The following ROBO2 variants were observed in gnomAD, a reference collection of about 807,000 sequenced individuals.
The protein encoded by ROBO2 is roundabout guidance receptor 2.
A neutral mutation model predicts 160.8 loss-of-function variants in ROBO2; 53 were observed. That is an observed-to-expected ratio of 0.33 (90% CI 0.26 to 0.41). The LOEUF (loss-of-function observed/expected upper bound fraction) is 0.41, where lower values mean the gene tolerates loss of function less well. Ranked by LOEUF, ROBO2 falls within the 10% of genes least tolerant of loss-of-function variation. The pLI is 1.00. For missense variants in ROBO2, 1,577 were observed against 1,722.4 expected (o/e 0.92, Z 1.49); for synonymous variants, 664 against 611.7 (o/e 1.09, Z -1.26).
chr3:76,983,210 G>T (rs539767916), intron 2 of ROBO2, among the ~76,000 whole-genome samples: 1 of 152,082 alleles, frequency 6.6e-6, no homozygotes, highest in Non-Finnish European at 1.5e-5. Context: ...GCTTGAGCCC[G>T]GAAGGTGGGG....
intron 19 of ROBO2, among the ~76,000 whole-genome samples, chr3:77,597,711 TG>T (rs200870675): frequency 3.6e-4 from 51 of 143,088 alleles, no homozygotes; most frequent in East Asian, 1.6e-3. Flanking sequence ...GTCAAAAGTA[TG>T]GAAAAAAAAA....
At chr3:77,038,909 T>C (rs1490541240), upstream of ROBO2, among the ~76,000 whole-genome samples, 1 of 152,188 alleles carries the variant, frequency 6.6e-6, no homozygotes, top group Non-Finnish European at 1.5e-5. Context: ...AGCCTATGTT[T>C]ACCGAATTTC....
chr3:77,013,610 C>T (rs1457991908), intron 2 of ROBO2, among the ~76,000 whole-genome samples: 3 of 151,966 alleles, frequency 2.0e-5, no homozygotes, highest in African/African-American at 7.3e-5. Context: ...TTGCTTCCTC[C>T]ATTGGTGTAA....
At chr3:76,572,468 G>A (rs1039909580) in intron 2 of ROBO2, among the ~76,000 whole-genome samples, 2 of 152,072 alleles carry the variant, frequency 1.3e-5, no homozygotes, top group South Asian at 2.1e-4. Context: ...GCTAACTGGA[G>A]GAAGCTAAGA....
intron 2 of ROBO2, among the ~76,000 whole-genome samples, chr3:76,603,332 C>CAAAAAAAA (rs61547121): frequency 6.0e-5 from 4 of 66,512 alleles, no homozygotes; most frequent in East Asian, 4.1e-4. Flanking sequence ...ACTCCATCTC[C>CAAAAAAAA]AAAAAAAAAA....
chr3:77,317,559 C>T, intron 2 of ROBO2: 1 of 1,374,282 alleles, frequency 7.3e-7, no homozygotes, highest in South Asian at 1.2e-5. Context: ...TTGGTGAAGA[C>T]ATCCCTAGCA....
intron 2 of ROBO2, among the ~76,000 whole-genome samples, chr3:77,117,295 T>C (rs1654153472): frequency 6.6e-6 from 1 of 152,210 alleles, no homozygotes; most frequent in African/African-American, 2.4e-5. Context: ...ATTAAAATAA[T>C]GGTTTTAAAT....
At chr3:76,099,007 A>G (rs140855333) in intron 2 of ROBO2, among the ~76,000 whole-genome samples, 83 of 152,288 alleles carry the variant, frequency 5.5e-4, no homozygotes, top group African/African-American at 2.0e-3. Context: ...TTCACTCATA[A>G]TCAATATAGC....
chr3:76,606,987 G>T (rs2087713682), intron 2 of ROBO2, among the ~76,000 whole-genome samples: 1 of 152,072 alleles, frequency 6.6e-6, no homozygotes, highest in South Asian at 2.1e-4. Flanking sequence ...ATTTAAGTAT[G>T]ATTACAAGTA....
chr3:76,702,761 T>C (rs927147684), intron 2 of ROBO2, among the ~76,000 whole-genome samples: 1 of 151,674 alleles, frequency 6.6e-6, no homozygotes, highest in Non-Finnish European at 1.5e-5. Flanking sequence ...AAAGAAAAAG[T>C]GAGAAAAGGG....
chr3:77,475,068 T>TGAGGGA (rs2083835904), intron 2 of ROBO2, among the ~76,000 whole-genome samples: 1 of 150,428 alleles, frequency 6.6e-6, no homozygotes, highest in African/African-American at 2.4e-5. Flanking sequence ...GTTTTTCAAC[T>TGAGGGA]GAGAGAGAGA....
intron 6 of ROBO2, among the ~76,000 whole-genome samples, chr3:77,541,499 A>T (rs960048502): frequency 2.6e-5 from 4 of 152,238 alleles, no homozygotes; most frequent in Admixed American, 1.3e-4. Context: ...CATTGTATTT[A>T]AATTCTCAAA....
chr3:77,150,236 G>T (rs1015589843), intron 2 of ROBO2, among the ~76,000 whole-genome samples: 4 of 152,144 alleles, frequency 2.6e-5, no homozygotes, highest in African/African-American at 9.7e-5. Context: ...AGGCCGAGTG[G>T]AGATGACGGA....
At chr3:77,374,760 T>A (rs1246257144) in intron 2 of ROBO2, among the ~76,000 whole-genome samples, 1 of 152,234 alleles carries the variant, frequency 6.6e-6, no homozygotes, top group East Asian at 1.9e-4. Context: ...TACTCTTAGT[T>A]GCTTGTATCC....
intron 2 of ROBO2, among the ~76,000 whole-genome samples, chr3:76,251,131 G>T (rs1705968337): frequency 6.6e-6 from 1 of 151,972 alleles, no homozygotes; most frequent in African/African-American, 2.4e-5. Context: ...TGATTAAGTT[G>T]CTGAGGTATA....
intron 2 of ROBO2, among the ~76,000 whole-genome samples, chr3:77,470,015 G>A (rs1054492369): frequency 3.9e-5 from 6 of 152,172 alleles, no homozygotes; most frequent in African/African-American, 1.4e-4. Flanking sequence ...AAAGGCACAG[G>A]CAAAAGTAAG....
At chr3:77,508,406 G>A (rs1307161783) in intron 5 of ROBO2, among the ~76,000 whole-genome samples, 1 of 147,890 alleles carries the variant, frequency 6.8e-6, no homozygotes. Context: ...ATATATAAAT[G>A]TATATATTAA....
chr3:77,245,312 G>C (rs1042895024), intron 2 of ROBO2, among the ~76,000 whole-genome samples: 1 of 152,116 alleles, frequency 6.6e-6, no homozygotes, highest in Non-Finnish European at 1.5e-5. Flanking sequence ...TTCTGAAAAC[G>C]CATTGCTACA....
intron 2 of ROBO2, among the ~76,000 whole-genome samples, chr3:77,140,556 AAAGCCTAGGCC>A (rs1413502760): frequency 6.6e-6 from 1 of 152,180 alleles, no homozygotes; most frequent in Non-Finnish European, 1.5e-5. Context: ...CTGGGTGCTA[AAAGCCTAGGCC>A]AAGCAAATCA....
Sources: allele counts gnomAD v4.1 joint callset (sites outside exome capture counted in the v4.1 genomes callset), GRCh38; gene constraint gnomAD v4.1.1; transcripts MANE v1.5; gene names NCBI Gene and HGNC (gene_info 2026-07-23, HGNC 2026-07-21).